Variants in PUM3 observed in about 807,000 individuals in gnomAD.
The protein encoded by PUM3 is pumilio RNA binding family member 3, also known as pumilio homolog 3.
In PUM3, 91 loss-of-function variants were observed where a neutral mutation model predicts 84.0. That is an observed-to-expected ratio of 1.08 (90% CI 0.91 to 1.29). PUM3 has a LOEUF of 1.29. PUM3 is among the 50% of genes most tolerant of loss of function. PUM3 has a pLI of 0.00. For synonymous variants in PUM3, 321 were observed against 266.7 expected, an observed-to-expected ratio of 1.20 and a Z score of -1.98; for missense variants, 1,067 against 767.5, an observed-to-expected ratio of 1.39 and a Z score of -4.61.
intron 10 of PUM3, 68 bp from the exon 11 acceptor site, chr9:2,824,883 T>G: frequency 9.0e-7 from 1 of 1,110,626 alleles, no homozygotes. Context: ...TTTATCTGTC[T>G]GTCTACAGGG....
In PUM3 at chr9:2,812,266, G is replaced by A. The variant is rs766482546; in HGVS notation, c.1366C>T (p.Arg456Ter). The A allele has an allele frequency of 2.0e-5, 33 of 1,612,958 alleles. No individual in the cohort carries two copies. The highest frequency in any genetic ancestry group is 3.3e-5 in the Admixed American group (2 of 59,964). The change falls in exon 14 of 18, where the codon CGA becomes TGA. Residue 456 changes from arginine to a stop codon, truncating the protein, a stop_gained. Transcript: ENST00000397885. LOFTEE classifies it high-confidence loss of function. ...TTTTGCAGAACTTCAATGATTTCTC[G>A]TACTGTATGTGCAGGATCTCTGGGG... is the stretch of plus-strand genomic sequence containing the variant. Reference protein sequence around the residue: ...LSPRDPAHTVREIIEVLQKGD... With the variant: ...LSPRDPAHTV
intron 8 of PUM3, among the ~76,000 whole-genome samples, chr9:2,828,991 C>T (rs557472410): frequency 6.6e-6 from 1 of 152,314 alleles, no homozygotes; most frequent in East Asian, 1.9e-4. Context: ...AAGAGCCAGG[C>T]CAACCAAGTT....
At position 2,816,147 on chromosome 9, in the gene PUM3, G is replaced by A. The variant is rs539208396; in HGVS notation, c.1270-3785C>T. Among the ~76,000 whole-genome samples the A allele has an allele frequency of 3.3e-5, 5 of 152,278 alleles. No individual in the cohort carries two copies. The East Asian group carries it at 5.8e-4, about 18-fold the overall frequency. ...CTGAGCCTGTGGTGTCCACTCTTAC[G>A]GTAGTTTGCTATGGGGACAAAAAGA... is the stretch of plus-strand genomic sequence containing the variant. On this transcript the variant is annotated intron_variant, in intron 13 of 17. Coordinates refer to ENST00000397885, the MANE Select transcript of PUM3 (RefSeq NM_014878.5).
intron 15 of PUM3, 36 bp from the exon 16 acceptor site, chr9:2,810,467 G>A: frequency 7.0e-7 from 1 of 1,421,372 alleles, no homozygotes. Flanking sequence ...TTTAAAAGTT[G>A]TTTTCATTCA....
chr9:2,806,370 C>A (rs1821258089), intron 17 of PUM3, among the ~76,000 whole-genome samples: 1 of 152,176 alleles, frequency 6.6e-6, no homozygotes, highest in African/African-American at 2.4e-5. Flanking sequence ...TTTGGAGACA[C>A]TGACATACCT....
intron 13 of PUM3, among the ~76,000 whole-genome samples, chr9:2,812,965 A>C (rs576213239): frequency 1.2e-3 from 176 of 152,336 alleles, no homozygotes; most frequent in Non-Finnish European, 2.3e-3. Flanking sequence ...GATGTATGTG[A>C]AAGGAGATAA....
At chr9:2,813,333 A>G (rs1027366528) in intron 13 of PUM3, among the ~76,000 whole-genome samples, 1 of 152,250 alleles carries the variant, frequency 6.6e-6, no homozygotes, top group Non-Finnish European at 1.5e-5. Flanking sequence ...CAGAAGAGTC[A>G]TCAATTTATT....
In PUM3 at chr9:2,844,052, G is replaced by C. The variant is rs1366302729; in HGVS notation, c.-18C>G. 2 of 157,084 alleles carry C rather than the reference G, an allele frequency of 1.3e-5. No homozygotes were observed. The highest frequency in any genetic ancestry group is 2.9e-5 in the Non-Finnish European group (2 of 68,198). The allele number at this position is 157,084 out of a possible 1,614,324, so 9.7% of individuals were successfully genotyped here. On this transcript the variant is annotated 5_prime_UTR_variant, in exon 1 of 18. Coordinates refer to ENST00000397885, the MANE Select transcript of PUM3 (RefSeq NM_014878.5). The stretch of plus-strand genomic sequence containing the variant: ...TGAGCCTGCCACACTCACCGCACAC[G>C]TGGGACCGAGACAGCTCGCGCAGCG...
chr9:2,821,563 G>C (rs1815631306), intron 12 of PUM3, among the ~76,000 whole-genome samples: 1 of 151,634 alleles, frequency 6.6e-6, no homozygotes, highest in South Asian at 2.1e-4. Context: ...TTAAAACAAT[G>C]AAATGCCATT....
intron 9 of PUM3, among the ~76,000 whole-genome samples, chr9:2,828,190 T>G (rs1213983000): frequency 3.3e-5 from 5 of 152,082 alleles, no homozygotes; most frequent in African/African-American, 4.8e-5. Context: ...TATACACACA[T>G]GCCATAAAGC....
At chr9:2,812,420 C>T in intron 13 of PUM3, 58 bp from the exon 14 acceptor site, 2 of 1,175,192 alleles carry the variant, frequency 1.7e-6, no homozygotes, top group Non-Finnish European at 2.4e-6. Flanking sequence ...AACAAAGTAC[C>T]ACAGGACCTT....
chr9:2,843,595 T>TTC (rs1816324979), intron 1 of PUM3, among the ~76,000 whole-genome samples: 2 of 146,344 alleles, frequency 1.4e-5, no homozygotes, highest in African/African-American at 5.1e-5. Flanking sequence ...TTTTTTTTTT[T>TTC]TGAGACGGAG....
chr9:2,821,817 C>G (rs546472934), intron 12 of PUM3, among the ~76,000 whole-genome samples: 154 of 152,280 alleles, frequency 1.0e-3, no homozygotes, highest in African/African-American at 3.6e-3. Flanking sequence ...AATATATTCA[C>G]TGGGGTACTA....
At chr9:2,805,003 T>C (rs772425880) in intron 17 of PUM3, among the ~76,000 whole-genome samples, 2 of 152,196 alleles carry the variant, frequency 1.3e-5, no homozygotes, top group Non-Finnish European at 2.9e-5. Context: ...AGGGCTTCAC[T>C]GTGGAGCTTC....
intron 13 of PUM3, among the ~76,000 whole-genome samples, chr9:2,816,764 G>A (rs1304747228): frequency 1.3e-5 from 2 of 152,148 alleles, no homozygotes; most frequent in East Asian, 1.9e-4. Flanking sequence ...AGGAAAGGAT[G>A]GCAAAGAAAA....
chr9:2,834,272 T>G lies in PUM3; in HGVS notation c.305-106A>C, dbSNP rs144298859. On this transcript the variant is annotated intron_variant, in intron 3 of 17. Transcript: ENST00000397885. Reference sequence around the variant, plus strand: ...ATCACTAATCAGGATCAATGCTCATTCTGGAAGCTAAAAAGGGGAACATAC... The same window carrying G: ...ATCACTAATCAGGATCAATGCTCATGCTGGAAGCTAAAAAGGGGAACATAC... 9.6e-3 allele frequency: 9,146 copies of G among 952,192 alleles called. 66 individuals carry two copies. Among genetic ancestry groups the G allele is most frequent in the Middle Eastern group, 0.022 (69 of 3,078 alleles). 59.0% of individuals were successfully genotyped at this position (952,192 alleles called of 1,614,324 possible).
chr9:2,826,704 C>T (rs544018088), intron 10 of PUM3, among the ~76,000 whole-genome samples: 1 of 152,286 alleles, frequency 6.6e-6, no homozygotes, highest in South Asian at 2.1e-4. Flanking sequence ...CTCCTCTAAC[C>T]TTTTAATGCC....
chr9:2,823,858 C>T (rs771370515), intron 11 of PUM3, 24 bp from the exon 12 acceptor site: 4 of 1,392,454 alleles, frequency 2.9e-6, no homozygotes, highest in East Asian at 2.4e-5. Flanking sequence ...GATTGTCTCA[C>T]TGAATTTTCA....
chr9:2,833,693 T>A lies in PUM3; in HGVS notation c.441-261A>T, dbSNP rs77213922. ...GCCAGAACTTCAGAAGTAAAAAAAATAATAAAACAAATCTAAGATAACAAA... is the reference window on the plus strand; with the variant it reads ...GCCAGAACTTCAGAAGTAAAAAAAAAAATAAAACAAATCTAAGATAACAAA... On this transcript the variant is annotated intron_variant, in intron 4 of 17. Coordinates refer to ENST00000397885, the MANE Select transcript of PUM3 (RefSeq NM_014878.5). Among the ~76,000 whole-genome samples the A allele has an allele frequency of 0.013, 1,516 of 116,468 alleles. 28 individuals carry two copies. The highest frequency in any genetic ancestry group is 0.042 in the African/African-American group (1,463 of 34,760). The allele number at this position is 116,468 out of a possible 152,430, so 76.4% of individuals were successfully genotyped here.
Sources: allele counts gnomAD v4.1 joint callset (sites outside exome capture counted in the v4.1 genomes callset), GRCh38; gene constraint gnomAD v4.1.1; transcripts MANE v1.5; gene names NCBI Gene and HGNC (gene_info 2026-07-23, HGNC 2026-07-21).